Variants in DBX2 observed in about 807,000 individuals in gnomAD.
DBX2 encodes homeobox protein DBX2.
DBX2 carries 16 observed loss-of-function variants against 17.7 expected under a neutral mutation model. The ratio of observed to expected loss-of-function variants is 0.90; its 90% CI spans 0.61 to 1.37. The LOEUF (loss-of-function observed/expected upper bound fraction) is 1.37. Ranked by LOEUF, DBX2 falls within the 40% of genes most tolerant of loss-of-function variation. DBX2 has a pLI of 0.00. For synonymous variants in DBX2, 255 were observed against 183.8 expected, an observed-to-expected ratio of 1.39 and a Z score of -3.13; for missense variants, 538 against 433.8, an observed-to-expected ratio of 1.24 and a Z score of -2.13.
intron 3 of DBX2, among the ~76,000 whole-genome samples, chr12:45,019,091 T>A (rs368276479): frequency 1.3e-5 from 2 of 152,016 alleles, no homozygotes; most frequent in South Asian, 2.1e-4. Flanking sequence ...ACAGTGTCAG[T>A]GTACTTAATG....
At chr12:45,041,554 G>A (rs904771969) in intron 1 of DBX2, among the ~76,000 whole-genome samples, 1 of 152,142 alleles carries the variant, frequency 6.6e-6, no homozygotes, top group Non-Finnish European at 1.5e-5. Context: ...TAGCAAGTTA[G>A]GTAAATTCAT....
intron 3 of DBX2, among the ~76,000 whole-genome samples, chr12:45,021,113 A>G (rs967667353): frequency 2.0e-5 from 3 of 152,204 alleles, no homozygotes; most frequent in African/African-American, 7.2e-5. Flanking sequence ...TAAGACTGAT[A>G]TATTTACAAA....
intron 2 of DBX2, among the ~76,000 whole-genome samples, chr12:45,029,813 G>A (rs576499698): frequency 4.3e-4 from 65 of 151,588 alleles, no homozygotes; most frequent in African/African-American, 1.3e-3. Context: ...GTAGCAAGCC[G>A]AGATCATGCC....
At chr12:45,018,429 A>G (rs964415177) in intron 3 of DBX2, among the ~76,000 whole-genome samples, 1 of 152,288 alleles carries the variant, frequency 6.6e-6, no homozygotes, top group South Asian at 2.1e-4. Context: ...CTACCTCTCA[A>G]GAAATGCAAA....
chr12:45,017,629 T>A (rs1946330633), intron 3 of DBX2, among the ~76,000 whole-genome samples: 1 of 152,188 alleles, frequency 6.6e-6, no homozygotes, highest in African/African-American at 2.4e-5. Flanking sequence ...AACAACTAAT[T>A]GTAATTAAGC....
At chr12:45,021,532 G>A (rs1946352030) in intron 3 of DBX2, among the ~76,000 whole-genome samples, 1 of 152,138 alleles carries the variant, frequency 6.6e-6, no homozygotes, top group African/African-American at 2.4e-5. Context: ...TCCATCTTTT[G>A]ACACCTACTT....
intron 1 of DBX2, among the ~76,000 whole-genome samples, chr12:45,049,322 AC>A (rs1171099725): frequency 1.3e-5 from 2 of 152,232 alleles, no homozygotes; most frequent in Non-Finnish European, 2.9e-5. Context: ...TTTTTCTAAT[AC>A]TTCAAAAAGA....
chr12:45,036,594 G>T lies in DBX2; in HGVS notation c.404-480C>A, dbSNP rs180989216. Among the ~76,000 whole-genome samples, 14 of 152,190 alleles carry T rather than the reference G, an allele frequency of 9.2e-5. No individual in the cohort carries two copies. The East Asian group carries it at 2.7e-3, about 29-fold the overall frequency. ...ATTTAAATAGACTCATACGACTAGGGATTATATTAAATAGCACAGCTCTAG... is the reference window on the plus strand; with the variant it reads ...ATTTAAATAGACTCATACGACTAGGTATTATATTAAATAGCACAGCTCTAG... On this transcript the variant is annotated intron_variant, in intron 1 of 3. Coordinates refer to ENST00000332700, the MANE Select transcript of DBX2 (RefSeq NM_001004329.3).
chr12:45,023,411 T>C (rs1309094954), intron 3 of DBX2, among the ~76,000 whole-genome samples: 2 of 152,172 alleles, frequency 1.3e-5, no homozygotes, highest in Non-Finnish European at 1.5e-5. Context: ...CTCTCTTCAT[T>C]AGAAAATAAA....
intron 1 of DBX2, among the ~76,000 whole-genome samples, chr12:45,042,732 A>C (rs1310948614): frequency 6.6e-6 from 1 of 152,216 alleles, no homozygotes; most frequent in Non-Finnish European, 1.5e-5. Context: ...GGAATAAAGA[A>C]GGGCCAAAGG....
chr12:45,036,052 A>G lies in DBX2; in HGVS notation c.466T>C (p.Cys156Arg), dbSNP rs771739848. The G allele has an allele frequency of 1.2e-6, 2 of 1,613,794 alleles. No homozygotes were observed. The highest frequency in any genetic ancestry group is 2.2e-5 in the East Asian group (1 of 44,860). ...PFYSACCGGS[C>R]RRPASSTAFP... ...GCAGTGGAGGATGCAGGGCGCCGAC[A>G]GGACCCACCGCAGCACGCCGAGTAG... The change falls in exon 2 of 4, where the codon TGT becomes CGT. Residue 156 changes from cysteine to arginine, a missense_variant. Coordinates refer to ENST00000332700, the MANE Select transcript of DBX2 (RefSeq NM_001004329.3).
chr12:45,047,151 C>T (rs1946504754), intron 1 of DBX2, among the ~76,000 whole-genome samples: 1 of 152,116 alleles, frequency 6.6e-6, no homozygotes, highest in Non-Finnish European at 1.5e-5. Context: ...GAATTTAAAT[C>T]TTTCAGCATT....
At chr12:45,040,020 T>G (rs1460161499) in intron 1 of DBX2, among the ~76,000 whole-genome samples, 1 of 152,162 alleles carries the variant, frequency 6.6e-6, no homozygotes, top group Admixed American at 6.5e-5. Flanking sequence ...GAGTGTCAAC[T>G]TGATTAGATT....
At chr12:45,017,630 G>A (rs1171082343) in intron 3 of DBX2, among the ~76,000 whole-genome samples, 1 of 152,144 alleles carries the variant, frequency 6.6e-6, no homozygotes, top group Non-Finnish European at 1.5e-5. Flanking sequence ...ACAACTAATT[G>A]TAATTAAGCC....
At chr12:45,017,751 C>T (rs1048284219) in intron 3 of DBX2, among the ~76,000 whole-genome samples, 15 of 152,132 alleles carry the variant, frequency 9.9e-5, no homozygotes, top group African/African-American at 3.6e-4. Flanking sequence ...GTCAACTGTG[C>T]CTGAGCTGAA....
intron 1 of DBX2, among the ~76,000 whole-genome samples, chr12:45,036,846 G>T (rs1206307377): frequency 6.6e-6 from 1 of 152,154 alleles, no homozygotes; most frequent in Non-Finnish European, 1.5e-5. Context: ...TATCTCAAGA[G>T]TAATCTAGTC....
chr12:45,042,754 T>C (rs530940038), intron 1 of DBX2, among the ~76,000 whole-genome samples: 2 of 152,332 alleles, frequency 1.3e-5, no homozygotes, highest in South Asian at 4.1e-4. Flanking sequence ...AAAGCTGCTA[T>C]GCAGTAACAA....
Position 45,016,507 on chromosome 12 carries a change from G to A in DBX2, c.799C>T (p.Arg267Trp), listed in dbSNP as rs148988684. 15 of 1,613,134 alleles carry A rather than the reference G, an allele frequency of 9.3e-6. No homozygotes were observed. The African/African-American group carries it at 9.3e-5, about 10-fold the overall frequency. Residue 267 changes from arginine (R) to tryptophan (W), a missense_variant, in exon 4 of 4, where the codon CGG becomes TGG. Arg to Trp is a moderately radical substitution (Grantham distance 101). Coordinates refer to ENST00000332700, the MANE Select transcript of DBX2 (RefSeq NM_001004329.3). The stretch of plus-strand genomic sequence containing the variant: ...GGAGAAGGGAAACCCAGAGCAGACC[G>A]TGAGAGGGGATCCTCTTGAAGACCT... ...EVGLQEDPLS[R>W]SALGFPSPCP...
At chr12:45,041,718 T>C (rs1187156790) in intron 1 of DBX2, among the ~76,000 whole-genome samples, 3 of 152,202 alleles carry the variant, frequency 2.0e-5, no homozygotes, top group African/African-American at 2.4e-5. Flanking sequence ...TTCTATCCTT[T>C]CAATTTAGGG....
Sources: allele counts gnomAD v4.1 joint callset (sites outside exome capture counted in the v4.1 genomes callset), GRCh38; gene constraint gnomAD v4.1.1; transcripts MANE v1.5; gene names NCBI Gene and HGNC (gene_info 2026-07-23, HGNC 2026-07-21).